Variants in CFAP95 observed in about 807,000 individuals in gnomAD.
CFAP95 encodes the protein cilia- and flagella-associated protein 95.
the CFAP95 span, among the ~76,000 whole-genome samples, chr9:69,839,710 G>A: frequency 6.6e-6 from 1 of 151,594 alleles, no homozygotes; most frequent in Admixed American, 6.6e-5. Context: ...TACAGTGTGA[G>A]CCACCATGTC....
At chr9:69,856,624 A>G in the CFAP95 span, 1 of 1,612,992 alleles carries the variant, frequency 6.2e-7, no homozygotes, top group African/African-American at 1.3e-5. Flanking sequence ...TGAAATGAAG[A>G]GCAAGGCTTT....
the CFAP95 span, among the ~76,000 whole-genome samples, chr9:69,850,901 G>A: frequency 2.6e-5 from 4 of 152,074 alleles, no homozygotes; most frequent in South Asian, 2.1e-4. Flanking sequence ...TAGGAATTCC[G>A]TATCAATTTT....
chr9:69,904,874 A>G, the CFAP95 span, among the ~76,000 whole-genome samples: 3 of 152,232 alleles, frequency 2.0e-5, no homozygotes, highest in Non-Finnish European at 4.4e-5. Flanking sequence ...ATTTATTTTC[A>G]TCTCTTAATT....
chr9:69,839,956 A>G, the CFAP95 span, among the ~76,000 whole-genome samples: 2 of 151,520 alleles, frequency 1.3e-5, no homozygotes, highest in Non-Finnish European at 2.9e-5. Context: ...GTGTGCCTGT[A>G]ATCCCAGCTA....
the CFAP95 span, among the ~76,000 whole-genome samples, chr9:69,833,006 A>G: frequency 6.6e-6 from 1 of 152,120 alleles, no homozygotes; most frequent in Non-Finnish European, 1.5e-5. Context: ...CCTATTTTTA[A>G]CAATTTTATT....
the CFAP95 span, among the ~76,000 whole-genome samples, chr9:69,888,885 GA>G: frequency 3.3e-4 from 49 of 148,820 alleles, no homozygotes; most frequent in South Asian, 1.5e-3. Context: ...CTCAAAAAGG[GA>G]AAAAAAAAAA....
At chr9:69,874,881 G>A in the CFAP95 span, among the ~76,000 whole-genome samples, 1 of 152,194 alleles carries the variant, frequency 6.6e-6, no homozygotes, top group African/African-American at 2.4e-5. Context: ...ACTGTTGGCT[G>A]TCAGTAAGTC....
chr9:69,894,446 A>G, the CFAP95 span, among the ~76,000 whole-genome samples: 1 of 152,210 alleles, frequency 6.6e-6, no homozygotes, highest in Non-Finnish European at 1.5e-5. Flanking sequence ...AAACAAGGAA[A>G]GGAGGGAGGA....
the CFAP95 span, among the ~76,000 whole-genome samples, chr9:69,870,554 C>A: frequency 6.6e-6 from 1 of 152,166 alleles, no homozygotes; most frequent in Admixed American, 6.5e-5. Context: ...TACCTCCAAT[C>A]CCCATTCTGT....
the CFAP95 span, among the ~76,000 whole-genome samples, chr9:69,823,160 A>C: frequency 1.1e-4 from 17 of 152,216 alleles, no homozygotes; most frequent in African/African-American, 3.9e-4. Context: ...CAAAGCAAGC[A>C]CCTTCTTCAC....
chr9:69,829,450 C>T, the CFAP95 span, among the ~76,000 whole-genome samples: 1 of 152,140 alleles, frequency 6.6e-6, no homozygotes, highest in African/African-American at 2.4e-5. Context: ...GCAAGATAAG[C>T]CCTGGTAAGG....
the CFAP95 span, among the ~76,000 whole-genome samples, chr9:69,877,613 A>G: frequency 4.6e-5 from 7 of 152,158 alleles, no homozygotes; most frequent in African/African-American, 1.7e-4. Flanking sequence ...GTATATGGCT[A>G]TGCTATTTTT....
the CFAP95 span, among the ~76,000 whole-genome samples, chr9:69,878,367 C>T: frequency 2.0e-5 from 3 of 152,154 alleles, no homozygotes; most frequent in Admixed American, 6.5e-5. Flanking sequence ...AGGGCGTTCT[C>T]CTTCTGTGGG....
chr9:69,876,783 C>T, the CFAP95 span, among the ~76,000 whole-genome samples: 4 of 152,044 alleles, frequency 2.6e-5, no homozygotes, highest in Admixed American at 1.3e-4. Context: ...TACAGGCACC[C>T]GCCAGCACGC....
chr9:69,854,029 G>A, the CFAP95 span, among the ~76,000 whole-genome samples: 4 of 152,226 alleles, frequency 2.6e-5, no homozygotes, highest in Non-Finnish European at 5.9e-5. Context: ...TCTGAAAAAT[G>A]TGGTCTGCAA....
At chr9:69,857,378 T>C in the CFAP95 span, among the ~76,000 whole-genome samples, 2 of 152,210 alleles carry the variant, frequency 1.3e-5, no homozygotes, top group Non-Finnish European at 2.9e-5. Flanking sequence ...CTGTAATTGT[T>C]GAAAAATGCA....
At chr9:69,873,298 A>C in the CFAP95 span, among the ~76,000 whole-genome samples, 1 of 152,188 alleles carries the variant, frequency 6.6e-6, no homozygotes, top group Non-Finnish European at 1.5e-5. Flanking sequence ...TCTCCAATAA[A>C]TAAGATAAAA....
the CFAP95 span, chr9:69,844,608 G>A: frequency 6.2e-7 from 1 of 1,612,376 alleles, no homozygotes; most frequent in East Asian, 2.2e-5. Context: ...TCGGCGACTG[G>A]GAACCGATGA....
At chr9:69,841,726 A>G in the CFAP95 span, among the ~76,000 whole-genome samples, 1 of 152,322 alleles carries the variant, frequency 6.6e-6, no homozygotes, top group Admixed American at 6.5e-5. Flanking sequence ...CCTCACAATC[A>G]TGCTGGAAGG....
Sources: allele counts gnomAD v4.1 joint callset (sites outside exome capture counted in the v4.1 genomes callset), GRCh38; gene constraint gnomAD v4.1.1; transcripts MANE v1.5; gene names NCBI Gene and HGNC (gene_info 2026-07-23, HGNC 2026-07-21).